SNX14: variants seen among roughly 807,000 people sequenced by gnomAD.
SNX14 encodes sorting nexin 14.
In SNX14, 93 loss-of-function variants were observed where a neutral mutation model predicts 133.8. The ratio of observed to expected loss-of-function variants is 0.70; its 90% confidence interval spans 0.59 to 0.83. SNX14 has a LOEUF of 0.83. Among genes scored for constraint, SNX14 ranks in the 40% least tolerant of loss-of-function variants. SNX14 has a pLI of 0.00. For synonymous variants in SNX14, 368 were observed against 365.6 expected, an observed-to-expected ratio of 1.01 and a Z score of -0.07; for missense variants, 945 against 1,094.9, an observed-to-expected ratio of 0.86 and a Z score of 1.93.
intron 23 of SNX14, among the ~76,000 whole-genome samples, chr6:85,515,411 A>T (rs913301972): frequency 6.6e-6 from 1 of 150,786 alleles, no homozygotes; most frequent in African/African-American, 2.4e-5. Flanking sequence ...GTGGGGGGGA[A>T]CTAAAACAAG....
chr6:85,523,661 A>C (rs543710062), intron 21 of SNX14, among the ~76,000 whole-genome samples: 1 of 152,244 alleles, frequency 6.6e-6, no homozygotes, highest in Non-Finnish European at 1.5e-5. Flanking sequence ...AGTTCTCAGG[A>C]GGCTGAGGTG....
At chr6:85,570,166 G>A (rs1583015022) in intron 4 of SNX14, among the ~76,000 whole-genome samples, 1 of 152,138 alleles carries the variant, frequency 6.6e-6, no homozygotes, top group East Asian at 1.9e-4. Flanking sequence ...TAAAGTTCCT[G>A]GTAGAAAGGG....
chr6:85,531,040 T>C (rs1037822648), intron 18 of SNX14, among the ~76,000 whole-genome samples: 1 of 152,228 alleles, frequency 6.6e-6, no homozygotes, highest in African/African-American at 2.4e-5. Context: ...ATTAATATAG[T>C]AGCTACTAGC....
intron 26 of SNX14, among the ~76,000 whole-genome samples, chr6:85,510,588 T>C (rs1224835290): frequency 2.0e-5 from 3 of 152,190 alleles, no homozygotes; most frequent in Non-Finnish European, 4.4e-5. Context: ...TTCTTTATAG[T>C]GTCTTTCACA....
At chr6:85,567,512 A>T (rs1794259129) in intron 5 of SNX14, 22 bp downstream of exon 5, 1 of 1,497,116 alleles carries the variant, frequency 6.7e-7, no homozygotes, top group Non-Finnish European at 8.9e-7. Context: ...ACAGAAAAAA[A>T]GATCTTATAG....
At chr6:85,519,694 C>T (rs1407186799) in intron 21 of SNX14, among the ~76,000 whole-genome samples, 1 of 152,032 alleles carries the variant, frequency 6.6e-6, no homozygotes, top group Non-Finnish European at 1.5e-5. Context: ...CATGGTGAAA[C>T]CCCGTCTCTT....
chr6:85,525,147 T>C (rs1778145871), intron 21 of SNX14, among the ~76,000 whole-genome samples: 1 of 152,158 alleles, frequency 6.6e-6, no homozygotes, highest in South Asian at 2.1e-4. Context: ...AATACTAACT[T>C]CAATCTCTAA....
intron 12 of SNX14, among the ~76,000 whole-genome samples, chr6:85,546,870 A>C (rs979844004): frequency 7.9e-5 from 12 of 151,788 alleles, no homozygotes; most frequent in African/African-American, 2.9e-4. Flanking sequence ...CTGAGGCAGG[A>C]GAATCGCTTG....
chr6:85,572,230 T>C lies in SNX14; in HGVS notation c.339-15A>G. On this transcript the variant is annotated splice_polypyrimidine_tract_variant and intron_variant, in intron 3 of 28. Transcript: ENST00000314673. ...GCAAAGAAGGCCTAAAGAAAAATTATACAACTAAATCACTTGAAATCCAAA... is the reference window on the plus strand; with the variant it reads ...GCAAAGAAGGCCTAAAGAAAAATTACACAACTAAATCACTTGAAATCCAAA... 2.5e-6 allele frequency: 4 copies of C among 1,613,102 alleles called. No homozygotes were observed. The highest frequency in any genetic ancestry group is 2.2e-5 in the East Asian group (1 of 44,806).
chr6:85,537,691 G>T (rs1246735862), intron 16 of SNX14, among the ~76,000 whole-genome samples: 1 of 152,224 alleles, frequency 6.6e-6, no homozygotes, highest in Non-Finnish European at 1.5e-5. Context: ...GCTCACACTT[G>T]TAATCCCAGC....
intron 21 of SNX14, among the ~76,000 whole-genome samples, chr6:85,523,847 T>C (rs563506597): frequency 9.2e-5 from 14 of 152,246 alleles, no homozygotes; most frequent in African/African-American, 3.1e-4. Flanking sequence ...GAAATGACTG[T>C]AGTATCATTA....
intron 22 of SNX14, 49 bp from the exon 23 acceptor site, chr6:85,517,924 AG>A (rs775996396): frequency 6.3e-7 from 1 of 1,578,600 alleles, no homozygotes; most frequent in South Asian, 1.2e-5. Flanking sequence ...GGTAATTTTT[AG>A]TACATAATCC....
intron 23 of SNX14, among the ~76,000 whole-genome samples, chr6:85,516,616 T>C (rs1414756276): frequency 6.6e-6 from 1 of 151,068 alleles, no homozygotes; most frequent in African/African-American, 2.4e-5. Flanking sequence ...TAAACATGAA[T>C]GTAAACTTCC....
chr6:85,562,535 C>T (rs1270212063), intron 6 of SNX14, among the ~76,000 whole-genome samples: 2 of 140,420 alleles, frequency 1.4e-5, no homozygotes, highest in African/African-American at 2.7e-5. Flanking sequence ...TTCAGTTTTA[C>T]TTTTTATAAA....
intron 21 of SNX14, among the ~76,000 whole-genome samples, chr6:85,524,756 C>A (rs897134788): frequency 6.0e-5 from 9 of 150,104 alleles, no homozygotes; most frequent in African/African-American, 2.2e-4. Context: ...TGCACTCCAG[C>A]CTGGGTGACA....
At position 85,514,564 on chromosome 6, in the gene SNX14, C is replaced by G. The variant is rs1774133179; in HGVS notation, c.2334G>C (p.Gln778His). Residue 778 changes from glutamine to histidine, a missense_variant, in exon 24 of 29, where the codon CAG (glutamine) becomes CAC (histidine). Gln to His is a conservative substitution (Grantham distance 24). This residue lies in a region of SNX14 where 412 missense variants were observed against 516.6 expected (regional missense o/e 0.80). Coordinates refer to ENST00000314673, the MANE Select transcript of SNX14 (RefSeq NM_153816.6). ...RAENTERKQNQNYFMEVMTVE... is the reference protein window; with the variant it reads ...RAENTERKQNHNYFMEVMTVE... Reference sequence around the variant, plus strand: ...CAGTCATCACCTCCATAAAATAATTCTGATTTTGCTTTCTCTCTGTATTTT... The same window carrying G: ...CAGTCATCACCTCCATAAAATAATTGTGATTTTGCTTTCTCTCTGTATTTT... 3 of 1,613,204 alleles carry G rather than the reference C, an allele frequency of 1.9e-6. No homozygotes were observed. In the East Asian group the frequency reaches 6.7e-5, roughly 36 times the overall value.
At chr6:85,577,198 G>A (rs951459643) in intron 1 of SNX14, among the ~76,000 whole-genome samples, 2 of 152,130 alleles carry the variant, frequency 1.3e-5, no homozygotes, top group Admixed American at 6.5e-5. Flanking sequence ...CAGATCACTT[G>A]AGGTCAGGAG....
Position 85,547,388 on chromosome 6 carries a change from C to T in SNX14, c.922G>A (p.Ala308Thr). The change falls in exon 11 of 29, where the codon GCA becomes ACA. Residue 308 changes from alanine (A) to threonine (T), a missense_variant. Transcript: ENST00000314673. ...IFIDDSPPEK[A>T]TEPASPLVPF... The stretch of plus-strand genomic sequence containing the variant: ...ACCAAAGGAGAAGCCGGTTCAGTTG[C>T]TTTTTCAGGCTTTGAAAGAAAGAGA... The T allele has an allele frequency of 4.3e-6, 7 of 1,613,206 alleles. No individual in the cohort carries two copies. The highest frequency in any genetic ancestry group is 5.9e-6 in the Non-Finnish European group (7 of 1,179,832).
chr6:85,581,433 C>A (rs1310250836), intron 1 of SNX14: 4 of 152,166 alleles, frequency 2.6e-5, no homozygotes, highest in Admixed American at 6.5e-5. Context: ...CTTCAATACC[C>A]AGACACTGAA....
Sources: allele counts gnomAD v4.1 joint callset (sites outside exome capture counted in the v4.1 genomes callset), GRCh38; gene constraint gnomAD v4.1.1; regional missense constraint gnomAD v4.1.1; transcripts MANE v1.5; gene names NCBI Gene and HGNC (gene_info 2026-07-23, HGNC 2026-07-21).